The following LAMA2 variants were observed in gnomAD, a reference collection of about 807,000 sequenced individuals.
LAMA2 encodes laminin subunit alpha-2.
Under a neutral mutation model 364.8 loss-of-function variants are expected in LAMA2, and 269 were observed. The ratio of observed to expected loss-of-function variants is 0.74; its 90% CI spans 0.67 to 0.82. LAMA2 has a LOEUF of 0.82. Among genes scored for constraint, LAMA2 ranks in the 40% least tolerant of loss-of-function variants. The pLI, the probability that LAMA2 is intolerant of heterozygous loss-of-function variation, is 0.00. For missense variants in LAMA2, 3,807 were observed against 3,873.2 expected (o/e 0.98, Z 0.45); for synonymous variants, 1,379 against 1,370.6 (o/e 1.01, Z -0.14).
chr6:129,037,369 A>G (rs1336263292), intron 1 of LAMA2, among the ~76,000 whole-genome samples: 1 of 152,184 alleles, frequency 6.6e-6, no homozygotes, highest in East Asian at 1.9e-4. Flanking sequence ...ATTATTGTAA[A>G]CAGTATATGA....
chr6:128,964,311 G>A (rs1365139967), intron 1 of LAMA2, among the ~76,000 whole-genome samples: 2 of 152,012 alleles, frequency 1.3e-5, no homozygotes, highest in Non-Finnish European at 2.9e-5. Flanking sequence ...TCTTATGAAG[G>A]CAGCATTTTA....
intron 40 of LAMA2, among the ~76,000 whole-genome samples, chr6:129,410,224 C>T (rs1400596347): frequency 6.6e-6 from 1 of 152,132 alleles, no homozygotes; most frequent in Non-Finnish European, 1.5e-5. Context: ...TTCTTTCCTT[C>T]CTTTCCTCCC....
chr6:128,931,653 A>G (rs796693853), intron 1 of LAMA2, among the ~76,000 whole-genome samples: 33 of 152,350 alleles, frequency 2.2e-4, no homozygotes, highest in African/African-American at 7.5e-4. Context: ...TTGTGGGATC[A>G]GGCAAGAACA....
chr6:129,221,652 G>T (rs1365426355), intron 12 of LAMA2, among the ~76,000 whole-genome samples: 4 of 151,652 alleles, frequency 2.6e-5, no homozygotes, highest in African/African-American at 9.7e-5. Context: ...TTCTTATATA[G>T]TGCTAATATA....
chr6:129,486,467 G>A lies in LAMA2; in HGVS notation c.7750-7G>A. The A allele has an allele frequency of 6.2e-7, 1 of 1,613,130 alleles. No homozygotes were observed. The highest frequency in any genetic ancestry group is 8.5e-7 in the Non-Finnish European group (1 of 1,179,234). ...GTTTAATCTTCAATAACCACTTGCTGTTGCAGGCCTATTATGCAATACTCC... is the reference window on the plus strand; with the variant it reads ...GTTTAATCTTCAATAACCACTTGCTATTGCAGGCCTATTATGCAATACTCC... On this transcript the variant is annotated splice_polypyrimidine_tract_variant and splice_region_variant and intron_variant, in intron 55 of 64. Coordinates refer to ENST00000421865, the MANE Select transcript of LAMA2 (RefSeq NM_000426.4).
intron 3 of LAMA2, among the ~76,000 whole-genome samples, chr6:129,061,118 C>T (rs1380007942): frequency 6.6e-6 from 1 of 152,152 alleles, no homozygotes; most frequent in Non-Finnish European, 1.5e-5. Flanking sequence ...GTGCATGAAT[C>T]CCCTGGGGAT....
chr6:129,348,084 A>G (rs1776655461), intron 30 of LAMA2, among the ~76,000 whole-genome samples: 2 of 152,238 alleles, frequency 1.3e-5, no homozygotes, highest in African/African-American at 4.8e-5. Flanking sequence ...GCACAGATGC[A>G]GTCAGTATCA....
intron 12 of LAMA2, among the ~76,000 whole-genome samples, chr6:129,200,995 A>G (rs971630886): frequency 5.3e-5 from 8 of 152,224 alleles, no homozygotes; most frequent in Non-Finnish European, 1.2e-4. Flanking sequence ...CAACACATTG[A>G]GATTTCTGCT....
At chr6:129,430,587 G>A (rs1739821618) in intron 41 of LAMA2, among the ~76,000 whole-genome samples, 1 of 152,194 alleles carries the variant, frequency 6.6e-6, no homozygotes, top group African/African-American at 2.4e-5. Flanking sequence ...ATGGATATGA[G>A]GCTTGGTACA....
Position 129,300,861 on chromosome 6 carries a change from A to G in LAMA2, c.3163A>G (p.Thr1055Ala), listed in dbSNP as rs1433242516. The change falls in exon 22 of 65, where the codon ACT (threonine) becomes GCT (alanine). Residue 1055 changes from threonine to alanine, a missense_variant. Thr to Ala is a moderately conservative substitution (Grantham distance 58). Transcript: ENST00000421865. ...APNTWGHSIT[T>A]GCKACNCSTV... ...CAATACCTGGGGCCACAGCATTACC[A>G]CTGGTTGTAAGGTGAGTGAACCACT... 4 of 1,613,686 alleles carry G rather than the reference A, an allele frequency of 2.5e-6. No homozygotes were observed. The highest frequency in any genetic ancestry group is 2.2e-5 in the East Asian group (1 of 44,870).
chr6:129,297,991 C>G, intron 21 of LAMA2, 126 bp downstream of exon 21: 2 of 629,356 alleles, frequency 3.2e-6, no homozygotes, highest in South Asian at 3.7e-5. Context: ...TGAGTAATGT[C>G]TACTTATTTT....
intron 40 of LAMA2, among the ~76,000 whole-genome samples, chr6:129,415,463 A>G (rs567120214): frequency 6.6e-6 from 1 of 151,970 alleles, no homozygotes; most frequent in Non-Finnish European, 1.5e-5. Flanking sequence ...GCCTTCTCCA[A>G]ATTTTTTCTA....
chr6:129,433,514 A>G (rs1781698929), intron 41 of LAMA2, among the ~76,000 whole-genome samples: 1 of 152,160 alleles, frequency 6.6e-6, no homozygotes, highest in African/African-American at 2.4e-5. Context: ...TCACATTTCC[A>G]TGAATTTCAC....
intron 1 of LAMA2, among the ~76,000 whole-genome samples, chr6:129,033,054 C>G (rs929151254): frequency 8.5e-5 from 13 of 152,088 alleles, no homozygotes; most frequent in African/African-American, 2.9e-4. Context: ...ATATATAGCT[C>G]TATACTTTCA....
chr6:128,921,813 C>T (rs1440119887), intron 1 of LAMA2, among the ~76,000 whole-genome samples: 3 of 150,346 alleles, frequency 2.0e-5, no homozygotes, highest in Non-Finnish European at 3.0e-5. Flanking sequence ...CCCACTAACT[C>T]GTCATCTAGC....
intron 64 of LAMA2, among the ~76,000 whole-genome samples, chr6:129,515,688 C>T (rs1200473862): frequency 6.6e-6 from 1 of 152,186 alleles, no homozygotes; most frequent in African/African-American, 2.4e-5. Context: ...TAACATTTTA[C>T]AATTTTAAGT....
At chr6:129,018,442 A>G (rs12111458) in intron 1 of LAMA2, among the ~76,000 whole-genome samples, 185 of 152,040 alleles carry the variant, frequency 1.2e-3, no homozygotes, top group African/African-American at 4.3e-3. Flanking sequence ...AAGTCAAAGG[A>G]AAGATTGATG....
At chr6:129,208,424 G>A (rs1225980016) in intron 12 of LAMA2, among the ~76,000 whole-genome samples, 1 of 151,602 alleles carries the variant, frequency 6.6e-6, no homozygotes, top group South Asian at 2.1e-4. Context: ...GCATTATTTT[G>A]TTGAAATTTT....
At chr6:129,158,817 T>C (rs1335158767) in intron 8 of LAMA2, 1 of 1,614,178 alleles carries the variant, frequency 6.2e-7, no homozygotes, top group African/African-American at 1.3e-5. Flanking sequence ...CCTTCATATT[T>C]CATACACCCT....
Sources: gnomAD v4.1 joint callset for allele counts (sites outside exome capture counted in the v4.1 genomes callset) on GRCh38, gnomAD v4.1.1 for gene constraint, MANE v1.5 for transcripts, NCBI Gene and HGNC (gene_info 2026-07-23, HGNC 2026-07-21) for gene names.